Variants in GTF3C1 observed in about 807,000 individuals in gnomAD.
GTF3C1 encodes general transcription factor IIIC subunit 1, also known as general transcription factor 3C polypeptide 1.
A neutral mutation model predicts 226.7 loss-of-function variants in GTF3C1; 57 were observed. The ratio of observed to expected loss-of-function variants is 0.25; its 90% CI spans 0.20 to 0.31. The LOEUF (loss-of-function observed/expected upper bound fraction) is 0.31. Among genes scored for constraint, GTF3C1 ranks in the 10% least tolerant of loss-of-function variants. The probability of loss-of-function intolerance (pLI) is 1.00; values close to 1 mark genes in which losing one functional copy is unlikely to be tolerated. For synonymous variants in GTF3C1, 1,090 were observed against 1,084.8 expected, an observed-to-expected ratio of 1.00 and a Z score of -0.09; for missense variants, 2,217 against 2,776.1, an observed-to-expected ratio of 0.80 and a Z score of 4.53.
chr16:27,510,611 C>T (rs1206108034), intron 7 of GTF3C1, among the ~76,000 whole-genome samples: 1 of 152,094 alleles, frequency 6.6e-6, no homozygotes, highest in Non-Finnish European at 1.5e-5. Flanking sequence ...TGTGTGGAAC[C>T]CATTCTGAGG....
At position 27,462,166 on chromosome 16, in the gene GTF3C1, C is replaced by G. The variant is rs1449617845; in HGVS notation, c.6117+128G>C. 1 of 656,814 alleles carries G rather than the reference C, an allele frequency of 1.5e-6. No homozygotes were observed. The highest frequency in any genetic ancestry group is 2.7e-6 in the Non-Finnish European group (1 of 377,212). The allele number at this position is 656,814 out of a possible 1,614,324, so 40.7% of individuals were successfully genotyped here. A position where few individuals can be genotyped will look rare whatever the true frequency, so the allele number is the denominator to read the frequency against. ...CTGAGAGGCAGGAGCCCAGGACAAG[C>G]TGGGGGAGGAGGTGCAGGCAAGCAG... On this transcript the variant is annotated intron_variant, in intron 36 of 36. Coordinates refer to ENST00000356183, the MANE Select transcript of GTF3C1 (RefSeq NM_001520.4). The surrounding 1 kb of genome is among the most constrained non-coding windows in gnomAD (Gnocchi z 4.5).
chr16:27,519,633 C>T (rs1182058510), intron 6 of GTF3C1, among the ~76,000 whole-genome samples: 1 of 152,066 alleles, frequency 6.6e-6, no homozygotes, highest in Non-Finnish European at 1.5e-5. Context: ...GCTCTGTGAC[C>T]TTGGGCAAGG....
rs374508799 is a variant in GTF3C1 at position 27,485,993 on chromosome 16, G to A, written c.3858+4C>T. ...GCCCACCGCTGGGCTGGGCTGGTTG[G>A]TACCTTGGTGTTGAGGACATTGCTG... On this transcript the variant is annotated splice_donor_region_variant and intron_variant, in intron 24 of 36. Transcript: ENST00000356183. The A allele has an allele frequency of 1.1e-4, 168 of 1,597,492 alleles. No individual in the cohort carries two copies. The highest frequency in any genetic ancestry group is 1.4e-4 in the Non-Finnish European group (160 of 1,169,242).
intron 6 of GTF3C1, among the ~76,000 whole-genome samples, chr16:27,522,138 A>C (rs2088759570): frequency 6.6e-6 from 1 of 152,240 alleles, no homozygotes; most frequent in South Asian, 2.1e-4. Context: ...TTTGCATATC[A>C]CATGATTCAT....
At position 27,470,586 on chromosome 16, in the gene GTF3C1, C is replaced by A; in HGVS notation, c.4527-191G>T. On this transcript the variant is annotated intron_variant, in intron 30 of 36. Coordinates refer to ENST00000356183, the MANE Select transcript of GTF3C1 (RefSeq NM_001520.4). The surrounding 1 kb of genome is among the most constrained non-coding windows in gnomAD (Gnocchi z 4.9). ...ACCTAGCGGTGTTTGTGTCTCTCTT[C>A]CCCGCTTGCCTGAGTACCTTCCGGG... 1 of 587,532 alleles carries A rather than the reference C, an allele frequency of 1.7e-6. No individual in the cohort carries two copies. Among genetic ancestry groups the A allele is most frequent in the Non-Finnish European group, 3.0e-6 (1 of 330,538 alleles). 36.4% of individuals were successfully genotyped at this position (587,532 alleles called of 1,614,324 possible). A position where few individuals can be genotyped will look rare whatever the true frequency, so the allele number is the denominator to read the frequency against.
chr16:27,482,539 C>G (rs1220243582), intron 26 of GTF3C1: 1 of 455,952 alleles, frequency 2.2e-6, no homozygotes, highest in African/African-American at 2.0e-5. Flanking sequence ...AAAAGGTAGC[C>G]TCTCCTTGTC....
chr16:27,506,200 G>C, intron 9 of GTF3C1, 84 bp from the exon 10 acceptor site: 4 of 714,500 alleles, frequency 5.6e-6, no homozygotes, highest in Non-Finnish European at 9.6e-6. Flanking sequence ...GACCCACACA[G>C]GCCAAAGGAT....
intron 6 of GTF3C1, among the ~76,000 whole-genome samples, chr16:27,517,526 C>G (rs1337344274): frequency 6.6e-6 from 1 of 152,214 alleles, no homozygotes; most frequent in Non-Finnish European, 1.5e-5. Flanking sequence ...TTCCCAGGAA[C>G]AAAAGGCAGG....
chr16:27,473,090 G>A (rs2087900401), intron 29 of GTF3C1, among the ~76,000 whole-genome samples: 1 of 152,100 alleles, frequency 6.6e-6, no homozygotes, highest in Non-Finnish European at 1.5e-5. Context: ...TGTATTTTTT[G>A]TAGAGATGGG....
Position 27,470,203 on chromosome 16 carries a change from G to C in GTF3C1, c.4719C>G (p.Thr1573=). 1 of 1,613,336 alleles carries C rather than the reference G, an allele frequency of 6.2e-7. No individual in the cohort carries two copies. Among genetic ancestry groups the C allele is most frequent in the Non-Finnish European group, 8.5e-7 (1 of 1,179,266 alleles). ...GPGGNCVAVL[T]LFSLGLISVD... ...CAGAAATGAGGCCCAGAGAGAAGAG[G>C]GTCAGGACGGCCACACAATTTCCTC... is the stretch of plus-strand genomic sequence containing the variant. Residue 1573 remains threonine (T), a synonymous_variant, in exon 31 of 37, where the codon ACC becomes ACG. Coordinates refer to ENST00000356183, the MANE Select transcript of GTF3C1 (RefSeq NM_001520.4). The surrounding 1 kb of genome is among the most constrained non-coding windows in gnomAD (Gnocchi z 4.9).
At chr16:27,502,827 G>A in intron 11 of GTF3C1, 32 bp downstream of exon 11, 1 of 1,549,792 alleles carries the variant, frequency 6.5e-7, no homozygotes, top group South Asian at 1.2e-5. Context: ...GTTAGTGCCA[G>A]CAGACAGACA....
chr16:27,463,763 G>A lies in GTF3C1; in HGVS notation c.5873-171C>T. 1 of 647,110 alleles carries A rather than the reference G, an allele frequency of 1.5e-6. No homozygotes were observed. Among genetic ancestry groups the A allele is most frequent in the Non-Finnish European group, 2.8e-6 (1 of 362,686 alleles). The allele number at this position is 647,110 out of a possible 1,614,324, so 40.1% of individuals were successfully genotyped here. ...TCACAGAGCGGCCACCCTGGAGGTG[G>A]CAGGGCCGGGCAGACTGCCGCACAC... On this transcript the variant is annotated intron_variant, in intron 34 of 36. Coordinates refer to ENST00000356183, the MANE Select transcript of GTF3C1 (RefSeq NM_001520.4). This position sits in a 1 kb window ranked among gnomAD's most constrained non-coding sequence, Gnocchi z 4.9.
intron 6 of GTF3C1, among the ~76,000 whole-genome samples, chr16:27,528,185 G>T (rs894089072): frequency 6.6e-6 from 1 of 152,212 alleles, no homozygotes; most frequent in Non-Finnish European, 1.5e-5. Flanking sequence ...TGAGGCAGGA[G>T]AATTGCTTGA....
intron 2 of GTF3C1, among the ~76,000 whole-genome samples, chr16:27,540,651 G>A (rs2089068229): frequency 6.6e-6 from 1 of 151,982 alleles, no homozygotes; most frequent in African/African-American, 2.4e-5. Flanking sequence ...TACCTTCAAG[G>A]AGCTCACAGG....
rs1277372200 is a variant in GTF3C1 at position 27,465,272 on chromosome 16, T to C, written c.5343A>G (p.Ala1781=). 2 of 1,613,984 alleles carry C rather than the reference T, an allele frequency of 1.2e-6. No homozygotes were observed. Among genetic ancestry groups the C allele is most frequent in the Non-Finnish European group, 1.7e-6 (2 of 1,180,008 alleles). The change falls in exon 33 of 37, where the codon GCA becomes GCG. Residue 1781 remains alanine, a synonymous_variant. Coordinates refer to ENST00000356183, the MANE Select transcript of GTF3C1 (RefSeq NM_001520.4). ...AAGCACAGCTCACCTGGATGCAATCTGCGAATGTCCTGGTGCGCCCACCAC... is the reference window on the plus strand; with the variant it reads ...AAGCACAGCTCACCTGGATGCAATCCGCGAATGTCCTGGTGCGCCCACCAC... ...KAGGGRTRTF[A]DCIQALLEQH... is the part of the protein sequence containing the mutation.
In GTF3C1 at chr16:27,537,941, G is replaced by A. The variant is rs750790345; in HGVS notation, c.609-14C>T. 5.0e-6 allele frequency: 8 copies of A among 1,612,460 alleles called. No individual in the cohort carries two copies. In the South Asian group the frequency reaches 6.6e-5, roughly 13 times the overall value. On this transcript the variant is annotated splice_polypyrimidine_tract_variant and intron_variant, in intron 3 of 36. Coordinates refer to ENST00000356183, the MANE Select transcript of GTF3C1 (RefSeq NM_001520.4). ...CCAGCATCAACCCTGGAGGAAAAGA[G>A]GAGCCATGTCATTTGCTTTGCTGGT...
chr16:27,507,184 A>C lies in GTF3C1; in HGVS notation c.1243-28T>G. On this transcript the variant is annotated intron_variant, in intron 8 of 36. Coordinates refer to ENST00000356183, the MANE Select transcript of GTF3C1 (RefSeq NM_001520.4). The surrounding 1 kb of genome is among the most constrained non-coding windows in gnomAD (Gnocchi z 4.9). ...AGAGGGAATAAGATGTGTTTATCCC[A>C]CTGCAAAGAGGGCGTCATACCCACA... 6.6e-7 allele frequency: 1 copy of C among 1,522,296 alleles called. No individual in the cohort carries two copies. The highest frequency in any genetic ancestry group is 9.0e-7 in the Non-Finnish European group (1 of 1,114,366). 94.3% of individuals were successfully genotyped at this position (1,522,296 alleles called of 1,614,324 possible).
intron 6 of GTF3C1, among the ~76,000 whole-genome samples, chr16:27,521,314 C>T (rs1383544619): frequency 6.6e-6 from 1 of 152,266 alleles, no homozygotes; most frequent in Non-Finnish European, 1.5e-5. Context: ...CTAGCTACAC[C>T]TTAGAGAGGT....
intron 5 of GTF3C1, among the ~76,000 whole-genome samples, chr16:27,532,420 A>G (rs967413726): frequency 2.0e-5 from 3 of 152,218 alleles, no homozygotes; most frequent in African/African-American, 7.2e-5. Context: ...CTTGACTTCA[A>G]ATGTTCAGTT....
Sources: gnomAD v4.1 joint callset for allele counts (sites outside exome capture counted in the v4.1 genomes callset) on GRCh38, gnomAD v4.1.1 for gene constraint, Gnocchi (gnomAD v3.1) non-coding constraint, MANE v1.5 for transcripts, NCBI Gene and HGNC (gene_info 2026-07-23, HGNC 2026-07-21) for gene names.